NFATC3: variants seen among roughly 807,000 people sequenced by gnomAD.
NFATC3 encodes the protein nuclear factor of activated T cells 3.
NFATC3 carries 46 observed loss-of-function variants against 98.6 expected under a neutral mutation model. The ratio of observed to expected loss-of-function variants is 0.47; its 90% CI spans 0.37 to 0.60. NFATC3 has a LOEUF of 0.60. Among genes scored for constraint, NFATC3 ranks in the 20% least tolerant of loss-of-function variants. The pLI, the probability that NFATC3 is intolerant of heterozygous loss-of-function variation, is 0.00. For missense variants in NFATC3, 1,256 were observed against 1,295.5 expected, an observed-to-expected ratio of 0.97 and a Z score of 0.47; for synonymous variants, 512 against 472.2, an observed-to-expected ratio of 1.08 and a Z score of -1.09.
intron 9 of NFATC3, among the ~76,000 whole-genome samples, chr16:68,203,421 C>T (rs970563277): frequency 2.0e-5 from 3 of 151,784 alleles, no homozygotes; most frequent in Non-Finnish European, 4.4e-5. Context: ...CGCTTGAGCT[C>T]GGGAGTTTGA....
rs769024116 is a variant in NFATC3, at chr16:68,174,501, T to A, written c.1902T>A (p.Leu634=). Residue 634 remains leucine, a synonymous_variant, in exon 6 of 10, where the codon CTT becomes CTA. Transcript: ENST00000346183. ...TTCCAGAATCCAAAATCATTTTTCTTGAAAAAGGACAAGGTAAGTAATATA... is the reference window on the plus strand; with the variant it reads ...TTCCAGAATCCAAAATCATTTTTCTAGAAAAAGGACAAGGTAAGTAATATA... The part of the protein sequence containing the change: ...NFLPESKIIF[L]EKGQDGRPQW... The A allele has an allele frequency of 6.2e-7, 1 of 1,600,084 alleles. No homozygotes were observed. Among genetic ancestry groups the A allele is most frequent in the East Asian group, 2.2e-5 (1 of 44,508 alleles).
chr16:68,208,014 G>T (rs2041220830), intron 9 of NFATC3, among the ~76,000 whole-genome samples: 2 of 151,750 alleles, frequency 1.3e-5, no homozygotes, highest in South Asian at 4.2e-4. Flanking sequence ...ATATTTTCTT[G>T]TCTATCCAAA....
At chr16:68,144,880 A>G (rs1160216746) in intron 3 of NFATC3, among the ~76,000 whole-genome samples, 3 of 151,738 alleles carry the variant, frequency 2.0e-5, no homozygotes, top group Non-Finnish European at 4.4e-5. Flanking sequence ...CTGGTCCGGA[A>G]CTCTTGACCT....
chr16:68,207,106 TC>T (rs2041179625), intron 9 of NFATC3, among the ~76,000 whole-genome samples: 1 of 150,774 alleles, frequency 6.6e-6, no homozygotes, highest in Non-Finnish European at 1.5e-5. Flanking sequence ...GGTCAGGAGT[TC>T]GAGACCAGCC....
chr16:68,228,026 C>G lies in NFATC3; in HGVS notation c.*1555C>G, dbSNP rs1362480683. On this transcript the variant is annotated 3_prime_UTR_variant, in exon 10 of 10. Transcript: ENST00000346183. ...ACTGCAGGCCCTTGATGCCAGGACT[C>G]TCTCTACTAAGGCCAGTTCAGGTCT... 2.6e-5 allele frequency: 4 copies of G among 152,136 alleles called. No homozygotes were observed. Among genetic ancestry groups the G allele is most frequent in the Non-Finnish European group, 4.4e-5 (3 of 68,032 alleles). 9.4% of individuals were successfully genotyped at this position (152,136 alleles called of 1,614,324 possible).
chr16:68,128,505 A>G (rs1598410289), intron 3 of NFATC3, among the ~76,000 whole-genome samples: 1 of 152,302 alleles, frequency 6.6e-6, no homozygotes, highest in African/African-American at 2.4e-5. Flanking sequence ...TTACAAGTGT[A>G]TAAATGAACA....
At position 68,181,479 on chromosome 16, in the gene NFATC3, A is replaced by G. The variant is rs779330682; in HGVS notation, c.1920A>G (p.Gly640=). Residue 640 remains glycine (G), a synonymous_variant, in exon 7 of 10, where the codon GGA becomes GGG. Coordinates refer to ENST00000346183, the MANE Select transcript of NFATC3 (RefSeq NM_173165.3). ...ATAAACTCTTTCTTTCAATAGATGG[A>G]CGACCTCAGTGGGAGGTAGAAGGGA... The part of the protein sequence containing the change: ...KIIFLEKGQD[G]RPQWEVEGKI... 3.7e-6 allele frequency: 6 copies of G among 1,610,882 alleles called. No homozygotes were observed. Among genetic ancestry groups the G allele is most frequent in the Non-Finnish European group, 5.1e-6 (6 of 1,177,356 alleles).
intron 4 of NFATC3, among the ~76,000 whole-genome samples, chr16:68,164,086 C>T (rs949740698): frequency 7.9e-5 from 12 of 152,272 alleles, no homozygotes; most frequent in African/African-American, 2.6e-4. Context: ...GCCGAGATCA[C>T]GCCACTGCAC....
rs746813914 is a variant in NFATC3 at position 68,190,955 on chromosome 16, C to T, written c.2286C>T (p.Ser762=). 1 of 1,614,182 alleles carries T rather than the reference C, an allele frequency of 6.2e-7. No individual in the cohort carries two copies. Among genetic ancestry groups the T allele is most frequent in the Non-Finnish European group, 8.5e-7 (1 of 1,180,018 alleles). ...CATATGCATCCATGGTGACCTCATC[C>T]CATCTGCCACAGTTGCAGTGTAGAG... ...PQTYASMVTS[S]HLPQLQCRDE... Residue 762 remains serine, a synonymous_variant, in exon 9 of 10, where the codon TCC becomes TCT. Coordinates refer to ENST00000346183, the MANE Select transcript of NFATC3 (RefSeq NM_173165.3).
chr16:68,105,982 G>A lies in NFATC3; in HGVS notation c.104-16005G>A, dbSNP rs566955513. Among the ~76,000 whole-genome samples the A allele has an allele frequency of 3.3e-5, 5 of 152,046 alleles. No individual in the cohort carries two copies. In the East Asian group the frequency reaches 9.7e-4, roughly 29 times the overall value. On this transcript the variant is annotated intron_variant, in intron 1 of 9. Transcript: ENST00000346183. Reference sequence around the variant, plus strand: ...CAGCCTCCGCTTCCTGGGTTCAGGCGATTCTCCTGCCTCAGCCTCCCTAGT... The same window carrying A: ...CAGCCTCCGCTTCCTGGGTTCAGGCAATTCTCCTGCCTCAGCCTCCCTAGT...
At chr16:68,124,589 C>G (rs1351964546) in intron 2 of NFATC3, among the ~76,000 whole-genome samples, 2 of 152,004 alleles carry the variant, frequency 1.3e-5, no homozygotes, top group Admixed American at 1.3e-4. Flanking sequence ...CGTCCGGCAC[C>G]ACGCCCGGCT....
intron 1 of NFATC3, among the ~76,000 whole-genome samples, chr16:68,113,416 A>G (rs886640463): frequency 6.6e-6 from 1 of 152,126 alleles, no homozygotes; most frequent in Non-Finnish European, 1.5e-5. Flanking sequence ...CTGCACCTGG[A>G]GGTATAAGCA....
intron 3 of NFATC3, among the ~76,000 whole-genome samples, chr16:68,150,151 C>G (rs2038237808): frequency 6.6e-6 from 1 of 152,080 alleles, no homozygotes; most frequent in Admixed American, 6.6e-5. Flanking sequence ...ATCCTGAGGT[C>G]TTTGTGCCTC....
chr16:68,149,311 AG>A (rs1396457957), intron 3 of NFATC3, among the ~76,000 whole-genome samples: 1 of 152,246 alleles, frequency 6.6e-6, no homozygotes, highest in East Asian at 1.9e-4. Context: ...AGAAGACTGC[AG>A]GATGTGTTTT....
chr16:68,204,623 A>C (rs1477682218), intron 9 of NFATC3, among the ~76,000 whole-genome samples: 1 of 152,212 alleles, frequency 6.6e-6, no homozygotes, highest in African/African-American at 2.4e-5. Context: ...ATGTGTTTTT[A>C]GTGGCTTCTA....
At chr16:68,093,282 A>G (rs2034827648) in intron 1 of NFATC3, among the ~76,000 whole-genome samples, 1 of 152,056 alleles carries the variant, frequency 6.6e-6, no homozygotes, top group Non-Finnish European at 1.5e-5. Context: ...TTCTAGATTC[A>G]TTTCTGTTGC....
chr16:68,199,575 G>A (rs1258777487), intron 9 of NFATC3, among the ~76,000 whole-genome samples: 1 of 146,016 alleles, frequency 6.8e-6, no homozygotes, highest in East Asian at 2.1e-4. Flanking sequence ...AGTATTAGAT[G>A]AAGTGTTTTT....
At chr16:68,220,934 A>T (rs1037457896) in intron 9 of NFATC3, among the ~76,000 whole-genome samples, 17 of 151,848 alleles carry the variant, frequency 1.1e-4, no homozygotes, top group South Asian at 8.3e-4. Flanking sequence ...AAAAAAAAAA[A>T]TTGTCACTTT....
chr16:68,168,035 T>A lies in NFATC3; in HGVS notation c.1774+1020T>A, dbSNP rs143863066. ...TTTTAGTAGAGACAGGGTTTCATCA[T>A]GTTGGCCAGGCTGCCCTCGAAATCC... On this transcript the variant is annotated intron_variant, in intron 5 of 9. Coordinates refer to ENST00000346183, the MANE Select transcript of NFATC3 (RefSeq NM_173165.3). Among the ~76,000 whole-genome samples, 31 of 151,968 alleles carry A rather than the reference T, an allele frequency of 2.0e-4. 1 individual carries two copies. Among genetic ancestry groups the A allele is most frequent in the Admixed American group, 3.9e-4 (6 of 15,242 alleles).
Sources: allele counts gnomAD v4.1 joint callset (sites outside exome capture counted in the v4.1 genomes callset), GRCh38; gene constraint gnomAD v4.1.1; transcripts MANE v1.5; gene names NCBI Gene and HGNC (gene_info 2026-07-23, HGNC 2026-07-21).